ADAMTSL1: variants seen among roughly 807,000 people sequenced by gnomAD.
The protein encoded by ADAMTSL1 is ADAMTS-like protein 1.
ADAMTSL1 carries 126 observed loss-of-function variants against 201.8 expected under a neutral mutation model. The observed-to-expected ratio is 0.62, with a 90% CI of 0.54 to 0.72. ADAMTSL1 has a LOEUF of 0.72. Ranked by LOEUF, ADAMTSL1 falls within the 30% of genes least tolerant of loss-of-function variation. The pLI is 0.00. For missense variants in ADAMTSL1, 2,679 were observed against 2,277.8 expected (o/e 1.18, Z -3.59); for synonymous variants, 1,121 against 903.4 (o/e 1.24, Z -4.32).
At chr9:17,972,139 TC>T (rs1404843329) in intron 1 of ADAMTSL1, among the ~76,000 whole-genome samples, 10 of 151,812 alleles carry the variant, frequency 6.6e-5, no homozygotes, top group Admixed American at 6.6e-4. Context: ...AGTTCTATTT[TC>T]TTTTTCTTTT....
intron 4 of ADAMTSL1, among the ~76,000 whole-genome samples, chr9:18,595,061 A>G (rs1471979599): frequency 6.6e-6 from 1 of 152,168 alleles, no homozygotes; most frequent in African/African-American, 2.4e-5. Flanking sequence ...CTTGCCCACA[A>G]GTCTCACAAA....
intron 2 of ADAMTSL1, among the ~76,000 whole-genome samples, chr9:18,463,311 T>G (rs185358975): frequency 6.6e-6 from 1 of 152,026 alleles, no homozygotes; most frequent in Non-Finnish European, 1.5e-5. Flanking sequence ...TGAGATTGCT[T>G]TTACATAAGT....
Position 18,464,377 on chromosome 9 carries a change from G to C in ADAMTSL1, c.208-40452G>C, listed in dbSNP as rs544247961. ...AAAAACCTGTACAAATGAAATTGTA[G>C]TATTGTTACACAAATTATACTATTG... is the stretch of plus-strand genomic sequence containing the variant. On this transcript the variant is annotated intron_variant, in intron 2 of 29. Coordinates refer to the ADAMTSL1 transcript ENST00000680146. Among the ~76,000 whole-genome samples the C allele has an allele frequency of 7.3e-4, 111 of 152,260 alleles. 1 individual carries two copies. Among genetic ancestry groups the C allele is most frequent in the South Asian group, 6.4e-3 (31 of 4,826 alleles).
At position 18,509,190 on chromosome 9, in the gene ADAMTSL1, CAAAAAAAAAAAAAAAAAAAAAAAAAA is replaced by C. The variant is rs57922962; in HGVS notation, c.191+4251_191+4276del. ...TGGGCGACAGAGCGAGACTCCGTCTCAAAAAAAAAAAAAAAAAAAAAAAAAAAAAAAAAAAAAAAAAAGAAATAGAT... is the reference window on the plus strand; with the variant it reads ...TGGGCGACAGAGCGAGACTCCGTCTCAAAAAAAAAAAAAAAAGAAATAGAT... On this transcript the variant is annotated intron_variant, in intron 2 of 28. Transcript: ENST00000380548. 4.7e-3 allele frequency among the ~76,000 whole-genome samples: 96 copies of C among 20,472 alleles called. 11 individuals carry two copies. The highest frequency in any genetic ancestry group is 9.7e-3 in the South Asian group (4 of 414). 13.4% of individuals were successfully genotyped at this position (20,472 alleles called of 152,430 possible). A position where few individuals can be genotyped will look rare whatever the true frequency, so the allele number is the denominator to read the frequency against.
intron 2 of ADAMTSL1, among the ~76,000 whole-genome samples, chr9:18,304,931 G>C (rs1010147125): frequency 1.3e-5 from 2 of 151,678 alleles, no homozygotes; most frequent in African/African-American, 4.8e-5. Context: ...GGCTGAATAG[G>C]AACAGCTCCG....
intron 1 of ADAMTSL1, among the ~76,000 whole-genome samples, chr9:17,950,682 G>C (rs1043873611): frequency 6.6e-6 from 1 of 151,938 alleles, no homozygotes; most frequent in Non-Finnish European, 1.5e-5. Flanking sequence ...ATATATCAGA[G>C]TTTATGCATT....
At chr9:18,011,930 C>T (rs1820069952) in intron 1 of ADAMTSL1, among the ~76,000 whole-genome samples, 1 of 151,962 alleles carries the variant, frequency 6.6e-6, no homozygotes, top group Non-Finnish European at 1.5e-5. Flanking sequence ...GGAGCTTTGG[C>T]AGAGTGTTCC....
intron 1 of ADAMTSL1, among the ~76,000 whole-genome samples, chr9:18,074,846 C>T (rs1439173123): frequency 6.6e-6 from 1 of 152,190 alleles, no homozygotes; most frequent in East Asian, 1.9e-4. Flanking sequence ...CTGCCTCAGC[C>T]TCCTGAAGTG....
At chr9:18,182,386 A>G (rs969577513) in intron 2 of ADAMTSL1, among the ~76,000 whole-genome samples, 1 of 152,212 alleles carries the variant, frequency 6.6e-6, no homozygotes, top group Admixed American at 6.5e-5. Context: ...TATGAATTAC[A>G]TGTTGATTTT....
At chr9:18,895,638 T>C (rs1391829659) in intron 26 of ADAMTSL1, among the ~76,000 whole-genome samples, 1 of 141,074 alleles carries the variant, frequency 7.1e-6, no homozygotes, top group Non-Finnish European at 1.5e-5. Flanking sequence ...GCTATGTATA[T>C]GGAGAAGGCC....
At chr9:18,334,415 A>G (rs1835148136) in intron 2 of ADAMTSL1, among the ~76,000 whole-genome samples, 1 of 152,184 alleles carries the variant, frequency 6.6e-6, no homozygotes, top group Admixed American at 6.5e-5. Context: ...TATATATTAC[A>G]TTGTGAATTA....
At position 18,504,933 on chromosome 9, in the gene ADAMTSL1, TCTGAGGCGCTGC is replaced by T. The variant is rs1340339344; in HGVS notation, c.174_185del (p.Arg58_Leu61del). The T allele has an allele frequency of 2.5e-6, 4 of 1,610,164 alleles. No homozygotes were observed. Among genetic ancestry groups the T allele is most frequent in the Non-Finnish European group, 3.4e-6 (4 of 1,179,276 alleles). ...CCTGCGGGGGTGGGGCCTCCTACTC[TCTGAGGCGCTGC>T]CTGAGCAGCAAGTAAGTCCTGCACC... On this transcript the variant is annotated inframe_deletion, in exon 2 of 29. Coordinates refer to ENST00000380548, the MANE Select transcript of ADAMTSL1 (RefSeq NM_001040272.6).
At chr9:18,724,807 C>G (rs546169327) in intron 15 of ADAMTSL1, among the ~76,000 whole-genome samples, 111 of 152,306 alleles carry the variant, frequency 7.3e-4, no homozygotes, top group African/African-American at 2.4e-3. Context: ...CCTCTGCATC[C>G]TCCTTATCCC....
chr9:18,123,463 G>A (rs929615805), intron 1 of ADAMTSL1, among the ~76,000 whole-genome samples: 1 of 152,110 alleles, frequency 6.6e-6, no homozygotes, highest in Non-Finnish European at 1.5e-5. Flanking sequence ...AAGAGATTTT[G>A]TTCTTTTAAA....
intron 15 of ADAMTSL1, among the ~76,000 whole-genome samples, chr9:18,727,435 A>G (rs1817955484): frequency 6.6e-6 from 1 of 152,246 alleles, no homozygotes; most frequent in South Asian, 2.1e-4. Context: ...TGCTGTTACT[A>G]CTGTCATCCC....
At chr9:18,192,044 T>G (rs75523936) in intron 2 of ADAMTSL1, among the ~76,000 whole-genome samples, 3,512 of 152,254 alleles carry the variant, frequency 0.023, 130 homozygotes, top group African/African-American at 0.08. Flanking sequence ...TGGTATTCTT[T>G]CCTAAAAGTG....
At chr9:18,789,461 C>T (rs1401766517) in intron 19 of ADAMTSL1, among the ~76,000 whole-genome samples, 1 of 152,210 alleles carries the variant, frequency 6.6e-6, no homozygotes, top group Non-Finnish European at 1.5e-5. Flanking sequence ...TCCTCTGAAC[C>T]ACTGTCCGCT....
chr9:18,017,598 A>G (rs1166249404), intron 1 of ADAMTSL1, among the ~76,000 whole-genome samples: 1 of 151,966 alleles, frequency 6.6e-6, no homozygotes, highest in African/African-American at 2.4e-5. Context: ...ACGGTCTGCG[A>G]GCATTTTTGT....
intron 2 of ADAMTSL1, among the ~76,000 whole-genome samples, chr9:18,356,506 G>C (rs1349246494): frequency 1.4e-5 from 2 of 145,930 alleles, no homozygotes; most frequent in Non-Finnish European, 3.0e-5. Context: ...CAGCTTGGGG[G>C]ACACAGTGAG....
Sources: gnomAD v4.1 joint callset for allele counts (sites outside exome capture counted in the v4.1 genomes callset) on GRCh38, gnomAD v4.1.1 for gene constraint, MANE v1.5 for transcripts, NCBI Gene and HGNC (gene_info 2026-07-23, HGNC 2026-07-21) for gene names.